The following TYMP variants were observed in gnomAD, a reference collection of about 807,000 sequenced individuals.
The protein encoded by TYMP is thymidine phosphorylase.
Under a neutral mutation model 42.3 loss-of-function variants are expected in TYMP, and 46 were observed. That is an observed-to-expected ratio of 1.09 (90% CI 0.86 to 1.39). The LOEUF is 1.39. Among genes scored for constraint, TYMP ranks in the 40% most tolerant of loss-of-function variants. The pLI is 0.00. For missense variants in TYMP, 837 were observed against 677.6 expected (o/e 1.24, Z -2.61); for synonymous variants, 363 against 308.0 (o/e 1.18, Z -1.87).
Position 50,526,498 on chromosome 22 carries a change from A to T in TYMP, c.929-22T>A, listed in dbSNP as rs1476463168. ...CCCCCTGCGGGCGGGGACGGGTCTT[A>T]GGCGCGGCCGGGTCGGGGCGGCCCC... On this transcript the variant is annotated intron_variant, in intron 7 of 9. Transcript: ENST00000252029. 3.3e-6 allele frequency: 5 copies of T among 1,517,978 alleles called. No individual in the cohort carries two copies. The African/African-American group carries it at 5.6e-5, about 17-fold the overall frequency. The allele number at this position is 1,517,978 out of a possible 1,614,324, so 94.0% of individuals were successfully genotyped here. A position where few individuals can be genotyped will look rare whatever the true frequency, so the allele number is the denominator to read the frequency against.
chr22:50,529,417 C>A (rs938326198), intron 2 of TYMP, 79 bp from the exon 3 acceptor site: 4 of 1,603,000 alleles, frequency 2.5e-6, no homozygotes, highest in Admixed American at 3.3e-5. Flanking sequence ...AGTGGGGCAC[C>A]GTCGCACCCC....
At chr22:50,527,427 G>C (rs777003412) in intron 5 of TYMP, 144 bp from the exon 6 acceptor site, 1 of 1,302,628 alleles carries the variant, frequency 7.7e-7, no homozygotes, top group Non-Finnish European at 1.1e-6. Flanking sequence ...CTGGTGGGTT[G>C]AGTATCAGGC....
chr22:50,526,404 A>G lies in TYMP; in HGVS notation c.1001T>C (p.Leu334Pro). The G allele has an allele frequency of 8.6e-6, 13 of 1,517,072 alleles. No homozygotes were observed. Among genetic ancestry groups the G allele is most frequent in the Non-Finnish European group, 1.1e-5 (13 of 1,142,406 alleles). The allele number at this position is 1,517,072 out of a possible 1,614,324, so 94.0% of individuals were successfully genotyped here. The change falls in exon 8 of 10, where the codon CTG becomes CCG. Residue 334 changes from leucine to proline, a missense_variant. By Grantham distance (98) the Leu-to-Pro change is moderately conservative. Transcript: ENST00000252029. ...AQGAARVAAA[L>P]DDGSALGRFE... ...GCGGCCAAGGGCCGAGCCGTCGTCC[A>G]GCGCCGCGGCCACCCGGGCAGCGCC...
chr22:50,528,869 T>C lies in TYMP; in HGVS notation c.418-259A>G, dbSNP rs1603442014. 5 of 612,092 alleles carry C rather than the reference T, an allele frequency of 8.2e-6. No homozygotes were observed. In the East Asian group the frequency reaches 1.1e-4, roughly 13 times the overall value. The allele number at this position is 612,092 out of a possible 1,614,324, so 37.9% of individuals were successfully genotyped here. On this transcript the variant is annotated intron_variant, in intron 3 of 9. Transcript: ENST00000252029. Reference sequence around the variant, plus strand: ...TCCTCAGCTCCTCCCTTGGGGGAGCTGTCTGGGGACCCAAGGGGAAAGGGG... The same window carrying C: ...TCCTCAGCTCCTCCCTTGGGGGAGCCGTCTGGGGACCCAAGGGGAAAGGGG...
chr22:50,529,100 T>C lies in TYMP; in HGVS notation c.417+36A>G, dbSNP rs1365355416. 3.7e-6 allele frequency: 6 copies of C among 1,608,528 alleles called. No homozygotes were observed. The African/African-American group carries it at 5.3e-5, about 14-fold the overall frequency. ...GATGGACTGGTTGCTGCATGTGCGG[T>C]ATAGGCTCCCGTCTGGAAAGGAGGT... On this transcript the variant is annotated intron_variant, in intron 3 of 9. Coordinates refer to ENST00000252029, the MANE Select transcript of TYMP (RefSeq NM_001953.5).
Position 50,525,907 on chromosome 22 carries a change from G to GC in TYMP, c.1311dup (p.Leu438AlafsTer?). On this transcript the variant is annotated frameshift_variant, in exon 10 of 10. Coordinates refer to ENST00000252029, the MANE Select transcript of TYMP (RefSeq NM_001953.5). LOFTEE classifies it low-confidence loss of function (END_TRUNC). ...GCGGGGCCGTCCCGGTGCACGCGGA[G>GC]CCAGGGGGTCCCTGCAGAGCGAGGG... is the stretch of plus-strand genomic sequence containing the variant. 1.9e-6 allele frequency: 3 copies of GC among 1,545,936 alleles called. No homozygotes were observed. Among genetic ancestry groups the GC allele is most frequent in the Non-Finnish European group, 1.7e-6 (2 of 1,148,328 alleles).
At position 50,527,753 on chromosome 22, in the gene TYMP, T is replaced by G. The variant is rs769665607; in HGVS notation, c.517-36A>C. 12 of 1,587,238 alleles carry G rather than the reference T, an allele frequency of 7.6e-6. No individual in the cohort carries two copies. The East Asian group carries it at 2.5e-4, about 33-fold the overall frequency. ...ATCCCCTGTTCTCAGTGACTTATGG[T>G]AAATGACTTAGCAGCTTTTTTTTTT... is the stretch of plus-strand genomic sequence containing the variant. On this transcript the variant is annotated intron_variant, in intron 4 of 9. Transcript: ENST00000252029.
intron 3 of TYMP, 149 bp from the exon 4 acceptor site, chr22:50,528,759 A>T: frequency 1.4e-6 from 1 of 706,926 alleles, no homozygotes; most frequent in East Asian, 2.7e-5. Context: ...ATGGAAAGGA[A>T]GTTTTCTTGG....
At position 50,526,101 on chromosome 22, in the gene TYMP, C is replaced by T. The variant is rs906039407; in HGVS notation, c.1200G>A (p.Val400=). The change falls in exon 9 of 10, where the codon GTG becomes GTA. Residue 400 remains valine, a synonymous_variant. Transcript: ENST00000252029. ...ELVRALPLAL[V]LHELGAGRSR... is the part of the protein sequence containing the mutation. ...TGCGCCCGGCCCCGAGCTCGTGCAG[C>T]ACCAGCGCCAGCGGCAGCGCCCGGA... is the stretch of plus-strand genomic sequence containing the variant. 6.7e-6 allele frequency: 10 copies of T among 1,490,042 alleles called. No homozygotes were observed. The highest frequency in any genetic ancestry group is 8.9e-6 in the Non-Finnish European group (10 of 1,128,072). The allele number at this position is 1,490,042 out of a possible 1,614,324, so 92.3% of individuals were successfully genotyped here.
At chr22:50,528,295 G>A (rs1260782889) in intron 4 of TYMP, 21 of 619,244 alleles carry the variant, frequency 3.4e-5, no homozygotes, top group South Asian at 3.0e-4. Flanking sequence ...GTGAGCCACC[G>A]TGCCCCGCCA....
In TYMP at chr22:50,529,156, G is replaced by T; in HGVS notation, c.397C>A (p.Leu133Met). The change falls in exon 3 of 10, where the codon CTG becomes ATG. Residue 133 changes from leucine to methionine, a missense_variant. Transcript: ENST00000252029. ...DKVSLVLAPA[L>M]AACGCKVPMI... is the part of the protein sequence containing the mutation. Reference sequence around the variant, plus strand: ...CTAACCTTGCAGCCACATGCCGCCAGGGCAGGTGCGAGGACCAGGCTGACC... The same window carrying T: ...CTAACCTTGCAGCCACATGCCGCCATGGCAGGTGCGAGGACCAGGCTGACC... 6.2e-7 allele frequency: 1 copy of T among 1,613,228 alleles called. No individual in the cohort carries two copies. Among genetic ancestry groups the T allele is most frequent in the Non-Finnish European group, 8.5e-7 (1 of 1,180,008 alleles).
chr22:50,526,299 C>T lies in TYMP; in HGVS notation c.1106G>A (p.Arg369Gln). 6.4e-7 allele frequency: 1 copy of T among 1,555,724 alleles called. No individual in the cohort carries two copies. Among genetic ancestry groups the T allele is most frequent in the Non-Finnish European group, 8.6e-7 (1 of 1,161,322 alleles). The change falls in exon 8 of 10, where the codon CGG becomes CAG. Residue 369 changes from arginine to glutamine, a missense_variant. Transcript: ENST00000252029. Reference protein sequence around the residue: ...ALCSGSPAERRQLLPRAREQE... With the variant: ...ALCSGSPAERQQLLPRAREQE... ...CTCCCGGGCGCGAGGCAGCAGCTGC[C>T]GGCGTTCTGCGGGACTTCCCGAGCA...
Position 50,528,617 on chromosome 22 carries a change from G to A in TYMP, c.418-7C>T, listed in dbSNP as rs2069479747. 10 of 1,609,388 alleles carry A rather than the reference G, an allele frequency of 6.2e-6. No homozygotes were observed. The highest frequency in any genetic ancestry group is 6.0e-6 in the Non-Finnish European group (7 of 1,176,370). ...GTCCGCTGATCATTGGCACCTGGTG[G>A]TCAGGGATGCTGAGTACCCTGCACA... On this transcript the variant is annotated splice_region_variant and splice_polypyrimidine_tract_variant and intron_variant, in intron 3 of 9. Transcript: ENST00000252029.
Position 50,526,016 on chromosome 22 carries a change from G to A in TYMP, c.1285C>T (p.Gln429Ter). ...CGGCGCTCACCACGGCGCAGCCTCTGACCCACGTCGACCAGCAGCTCTGCG... is the reference window on the plus strand; with the variant it reads ...CGGCGCTCACCACGGCGCAGCCTCTAACCCACGTCGACCAGCAGCTCTGCG... Reference protein sequence around the residue: ...VGAELLVDVGQRLRRGTPWLR... With the variant: ...VGAELLVDVG Residue 429 changes from glutamine to a stop codon, truncating the protein, a stop_gained, in exon 9 of 10, where the codon CAG (glutamine) becomes TAG (stop). Transcript: ENST00000252029. LOFTEE classifies it low-confidence loss of function (END_TRUNC). The A allele has an allele frequency of 6.8e-7, 1 of 1,470,872 alleles. No individual in the cohort carries two copies. Among genetic ancestry groups the A allele is most frequent in the Non-Finnish European group, 8.9e-7 (1 of 1,118,038 alleles). 91.1% of individuals were successfully genotyped at this position (1,470,872 alleles called of 1,614,324 possible).
chr22:50,525,957 G>A, intron 9 of TYMP, 39 bp from the exon 10 acceptor site: 1 of 1,402,644 alleles, frequency 7.1e-7, no homozygotes, highest in Non-Finnish European at 9.2e-7. Context: ...CGCGGCCGGA[G>A]CTGGGCGGGG....
At chr22:50,526,881 C>G in intron 6 of TYMP, 143 bp from the exon 7 acceptor site, 1 of 898,456 alleles carries the variant, frequency 1.1e-6, no homozygotes, top group Admixed American at 2.5e-5. Flanking sequence ...GGAAGAGACA[C>G]GAGTGAAGTG....
chr22:50,526,466 C>A lies in TYMP; in HGVS notation c.939G>T (p.Leu313=). ...TCCCCGCGTGTCCGCTGAGCCAGAG[C>A]AGGGCGCCCCCTGCGGGCGGGGACG... ...RDLVTTLGGA[L]LWLSGHAGTQ... Residue 313 remains leucine, a synonymous_variant, in exon 8 of 10, where the codon CTG becomes CTT. Coordinates refer to ENST00000252029, the MANE Select transcript of TYMP (RefSeq NM_001953.5). The A allele has an allele frequency of 6.7e-7, 1 of 1,491,814 alleles. No individual in the cohort carries two copies. The allele number at this position is 1,491,814 out of a possible 1,614,324, so 92.4% of individuals were successfully genotyped here.
chr22:50,525,936 G>T lies in TYMP; in HGVS notation c.1301-18C>A. The stretch of plus-strand genomic sequence containing the variant: ...GGGGGTCCCTGCAGAGCGAGGGGCT[G>T]TTAGAGGCCGCGCGGCCGGAGCTGG... On this transcript the variant is annotated intron_variant, in intron 9 of 9. Coordinates refer to ENST00000252029, the MANE Select transcript of TYMP (RefSeq NM_001953.5). 1 of 1,438,748 alleles carries T rather than the reference G, an allele frequency of 7.0e-7. No homozygotes were observed. Among genetic ancestry groups the T allele is most frequent in the South Asian group, 1.5e-5 (1 of 68,648 alleles). 89.1% of individuals were successfully genotyped at this position (1,438,748 alleles called of 1,614,324 possible). A position where few individuals can be genotyped will look rare whatever the true frequency, so the allele number is the denominator to read the frequency against.
chr22:50,528,008 C>T, intron 4 of TYMP: 1 of 427,634 alleles, frequency 2.3e-6, no homozygotes, highest in South Asian at 2.2e-5. Context: ...TCCAACTGGG[C>T]TCCTCTGCCT....
Sources: gnomAD v4.1 joint callset for allele counts on GRCh38, gnomAD v4.1.1 for gene constraint, MANE v1.5 for transcripts, NCBI Gene and HGNC (gene_info 2026-07-23, HGNC 2026-07-21) for gene names.